The following AUTS2 variants were observed in gnomAD, a reference collection of about 807,000 sequenced individuals.
AUTS2 encodes autism susceptibility gene 2 protein.
A neutral mutation model predicts 112.4 loss-of-function variants in AUTS2; 17 were observed. The observed-to-expected ratio is 0.15, with a 90% CI of 0.10 to 0.23. The LOEUF (loss-of-function observed/expected upper bound fraction) is 0.23, where lower values mean the gene tolerates loss of function less well. AUTS2 is among the 10% of genes least tolerant of loss of function. AUTS2 has a pLI of 1.00. For missense variants in AUTS2, 1,510 were observed against 1,701.6 expected, an observed-to-expected ratio of 0.89 and a Z score of 1.98; for synonymous variants, 751 against 702.7, an observed-to-expected ratio of 1.07 and a Z score of -1.09.
chr7:69,860,261 C>T (rs1327373671), intron 1 of AUTS2, among the ~76,000 whole-genome samples: 1 of 151,836 alleles, frequency 6.6e-6, no homozygotes, highest in African/African-American at 2.4e-5. Flanking sequence ...GCCTGGGGCT[C>T]TGAGGTGTAG....
intron 18 of AUTS2, 60 bp from the exon 19 acceptor site, chr7:70,789,688 G>C (rs941346): frequency 6.4e-7 from 1 of 1,554,006 alleles, no homozygotes; most frequent in Middle Eastern, 1.7e-4. Context: ...GCAGCCCCTG[G>C]CCCGGCCGAC....
intron 4 of AUTS2, among the ~76,000 whole-genome samples, chr7:70,217,563 A>C (rs1042138776): frequency 1.3e-5 from 2 of 152,212 alleles, no homozygotes; most frequent in Non-Finnish European, 2.9e-5. Context: ...TCTGTCTTGC[A>C]GCTAGGATTC....
In AUTS2 at chr7:70,339,153, G is replaced by A. The variant is rs192311827; in HGVS notation, c.661-96599G>A. On this transcript the variant is annotated intron_variant, in intron 4 of 18. Transcript: ENST00000342771. ...GCTGGGATTACAGGGGTGAGCCACC[G>A]CGCCCGGCCTGGCCTCATCTCTTTT... Among the ~76,000 whole-genome samples the A allele has an allele frequency of 2.9e-3, 439 of 152,100 alleles. 1 individual carries two copies. The highest frequency in any genetic ancestry group is 9.7e-3 in the African/African-American group (404 of 41,522).
intron 4 of AUTS2, among the ~76,000 whole-genome samples, chr7:70,379,511 A>AAAAGAAAG (rs1191865030): frequency 6.6e-6 from 1 of 152,026 alleles, no homozygotes; most frequent in Non-Finnish European, 1.5e-5. Flanking sequence ...CAAAAAAAAA[A>AAAAGAAAG]AAAGAAAGAA....
At chr7:70,531,187 C>CT (rs1225848973) in intron 5 of AUTS2, among the ~76,000 whole-genome samples, 1 of 58,816 alleles carries the variant, frequency 1.7e-5, no homozygotes. Context: ...ATATCTAAAT[C>CT]AGAATATACA....
chr7:70,789,985 C>T lies in AUTS2; in HGVS notation c.2769C>T (p.Gly923=). 1 of 1,609,470 alleles carries T rather than the reference C, an allele frequency of 6.2e-7. No homozygotes were observed. The highest frequency in any genetic ancestry group is 8.5e-7 in the Non-Finnish European group (1 of 1,178,036). ...EGHLPEKDGH[G]HEGRAAGEEA... The stretch of plus-strand genomic sequence containing the variant: ...ACCTGCCCGAGAAGGACGGGCACGG[C>T]CACGAGGGGCGCGCCGCGGGCGAAG... Residue 923 remains glycine, a synonymous_variant, in exon 19 of 19, where the codon GGC becomes GGT. Coordinates refer to ENST00000342771, the MANE Select transcript of AUTS2 (RefSeq NM_015570.4).
intron 4 of AUTS2, among the ~76,000 whole-genome samples, chr7:70,235,620 A>G (rs1208028672): frequency 1.3e-5 from 2 of 151,646 alleles, no homozygotes; most frequent in Non-Finnish European, 2.9e-5. Context: ...CAGGATACCT[A>G]TCTTCCACCC....
chr7:70,367,964 A>G (rs1792663594), intron 4 of AUTS2, among the ~76,000 whole-genome samples: 1 of 152,184 alleles, frequency 6.6e-6, no homozygotes, highest in East Asian at 1.9e-4. Flanking sequence ...GGGTGATGAG[A>G]AATGGAGAAC....
intron 2 of AUTS2, among the ~76,000 whole-genome samples, chr7:69,967,431 G>A (rs1797676331): frequency 6.6e-6 from 1 of 152,100 alleles, no homozygotes; most frequent in Non-Finnish European, 1.5e-5. Flanking sequence ...AAACACAGAG[G>A]GAGTGGGAGG....
chr7:69,631,328 T>C (rs1217425161), intron 1 of AUTS2, among the ~76,000 whole-genome samples: 4 of 152,198 alleles, frequency 2.6e-5, no homozygotes, highest in African/African-American at 9.7e-5. Flanking sequence ...TTTTGACCTT[T>C]TGAGAGGCAA....
At chr7:70,747,884 C>G (rs1042629080) in intron 6 of AUTS2, among the ~76,000 whole-genome samples, 8 of 151,366 alleles carry the variant, frequency 5.3e-5, no homozygotes, top group Non-Finnish European at 1.0e-4. Flanking sequence ...TGCAGTGGCG[C>G]GATCTCGGCT....
intron 2 of AUTS2, among the ~76,000 whole-genome samples, chr7:70,018,568 T>C (rs1429778314): frequency 6.6e-6 from 1 of 152,238 alleles, no homozygotes; most frequent in Non-Finnish European, 1.5e-5. Context: ...TTGACTGTTT[T>C]CTCTGTAAAA....
Position 70,288,456 on chromosome 7 carries a change from C to A in AUTS2, c.661-147296C>A, listed in dbSNP as rs566421437. Among the ~76,000 whole-genome samples the A allele has an allele frequency of 2.0e-5, 3 of 152,322 alleles. No individual in the cohort carries two copies. In the South Asian group the frequency reaches 6.2e-4, roughly 32 times the overall value. ...TTTCCCCTTAGTAAAGAATTTAATA[C>A]TTGAAGTCATCAGATTAGATTTCAG... On this transcript the variant is annotated intron_variant, in intron 4 of 18. Transcript: ENST00000342771.
Position 70,403,756 on chromosome 7 carries a change from T to C in AUTS2, c.661-31996T>C, listed in dbSNP as rs548029982. On this transcript the variant is annotated intron_variant, in intron 4 of 18. Transcript: ENST00000342771. ...AGGAAGGCTTGGCAGAATGTTTTGA[T>C]ACAAAATTCATTACAGGTTTGTTTA... is the stretch of plus-strand genomic sequence containing the variant. Among the ~76,000 whole-genome samples, 130 of 152,350 alleles carry C rather than the reference T, an allele frequency of 8.5e-4. 1 individual carries two copies. The highest frequency in any genetic ancestry group is 6.8e-3 in the Middle Eastern group (2 of 294).
chr7:69,858,224 G>C (rs1375568351), intron 1 of AUTS2, among the ~76,000 whole-genome samples: 1 of 152,184 alleles, frequency 6.6e-6, no homozygotes, highest in East Asian at 1.9e-4. Context: ...TATTATCTTT[G>C]TATGTTCAAA....
chr7:70,182,156 A>G (rs1809349472), intron 4 of AUTS2, among the ~76,000 whole-genome samples: 1 of 152,172 alleles, frequency 6.6e-6, no homozygotes, highest in African/African-American at 2.4e-5. Flanking sequence ...AAAAACATTC[A>G]AAGTCTCCCT....
At chr7:70,716,882 C>T (rs1247898940) in intron 6 of AUTS2, among the ~76,000 whole-genome samples, 1 of 151,114 alleles carries the variant, frequency 6.6e-6, no homozygotes, top group Non-Finnish European at 1.5e-5. Context: ...TAACCTCCCA[C>T]AAAATGAGAT....
chr7:70,762,839 T>C, intron 6 of AUTS2, 31 bp from the exon 7 acceptor site: 1 of 1,489,930 alleles, frequency 6.7e-7, no homozygotes, highest in Non-Finnish European at 9.4e-7. Flanking sequence ...TGTCATTGCC[T>C]GTGGTTTTGT....
chr7:70,626,011 C>T (rs761268380), intron 5 of AUTS2, among the ~76,000 whole-genome samples: 1 of 151,998 alleles, frequency 6.6e-6, no homozygotes, highest in African/African-American at 2.4e-5. Context: ...CTCCCAGGTT[C>T]AAGCGATTCT....
Sources: gnomAD v4.1 joint callset for allele counts (sites outside exome capture counted in the v4.1 genomes callset) on GRCh38, gnomAD v4.1.1 for gene constraint, MANE v1.5 for transcripts, NCBI Gene and HGNC (gene_info 2026-07-23, HGNC 2026-07-21) for gene names.